Variants in PIK3C2G observed in about 807,000 individuals in gnomAD.
The protein encoded by PIK3C2G is phosphatidylinositol-4-phosphate 3-kinase catalytic subunit type 2 gamma.
Under a neutral mutation model 181.1 loss-of-function variants are expected in PIK3C2G, and 168 were observed. The ratio of observed to expected loss-of-function variants is 0.93; its 90% CI spans 0.82 to 1.05. PIK3C2G has a LOEUF of 1.05. Ranked by LOEUF, PIK3C2G falls within the 50% of genes least tolerant of loss-of-function variation. The pLI is 0.00. For missense variants in PIK3C2G, 1,869 were observed against 1,732.8 expected, an observed-to-expected ratio of 1.08 and a Z score of -1.40; for synonymous variants, 573 against 592.2, an observed-to-expected ratio of 0.97 and a Z score of 0.47.
At chr12:18,567,507 C>T (rs527654443) in intron 29 of PIK3C2G, among the ~76,000 whole-genome samples, 2 of 152,020 alleles carry the variant, frequency 1.3e-5, no homozygotes, top group Non-Finnish European at 2.9e-5. Flanking sequence ...AGCAGCAAAA[C>T]AAGTATAGAA....
rs572633511 is a variant in PIK3C2G at position 18,539,309 on chromosome 12, A to G, written c.3480+997A>G. On this transcript the variant is annotated intron_variant, in intron 25 of 32. Coordinates refer to ENST00000538779, the MANE Select transcript of PIK3C2G (RefSeq NM_001288772.2). ...AATGACCTAGTAGTGAATTCTTTGC[A>G]TGGCCCAGGCATTGTGCTAAGTGCT... 3.3e-5 allele frequency among the ~76,000 whole-genome samples: 5 copies of G among 152,034 alleles called. No individual in the cohort carries two copies. In the East Asian group the frequency reaches 9.7e-4, roughly 29 times the overall value.
intron 16 of PIK3C2G, among the ~76,000 whole-genome samples, chr12:18,402,229 G>A (rs1285926023): frequency 6.6e-6 from 1 of 152,106 alleles, no homozygotes; most frequent in African/African-American, 2.4e-5. Context: ...CTACAACATG[G>A]AAGGACCTTG....
At position 18,274,716 on chromosome 12, in the gene PIK3C2G, A is replaced by G. The variant is rs200911540; in HGVS notation, c.-78-7288A>G. Reference sequence around the variant, plus strand: ...ACACCTAATGCTAAATGATGAGTTAATGGGTGCAGCACACCAACATGGCAC... The same window carrying G: ...ACACCTAATGCTAAATGATGAGTTAGTGGGTGCAGCACACCAACATGGCAC... On this transcript the variant is annotated intron_variant, in intron 1 of 32. Coordinates refer to ENST00000538779, the MANE Select transcript of PIK3C2G (RefSeq NM_001288772.2). Among the ~76,000 whole-genome samples the G allele has an allele frequency of 3.9e-5, 6 of 152,280 alleles. No individual in the cohort carries two copies. In the East Asian group the frequency reaches 5.8e-4, roughly 15 times the overall value.
At chr12:18,610,639 C>G (rs1948284706) in intron 31 of PIK3C2G, among the ~76,000 whole-genome samples, 1 of 151,966 alleles carries the variant, frequency 6.6e-6, no homozygotes, top group Admixed American at 6.6e-5. Flanking sequence ...CAATTATTTT[C>G]CATTGTTTTT....
chr12:18,325,115 C>G lies in PIK3C2G; in HGVS notation c.1272+17C>G. The G allele has an allele frequency of 7.0e-7, 1 of 1,436,258 alleles. No individual in the cohort carries two copies. Among genetic ancestry groups the G allele is most frequent in the Non-Finnish European group, 9.7e-7 (1 of 1,032,526 alleles). The allele number at this position is 1,436,258 out of a possible 1,614,324, so 89.0% of individuals were successfully genotyped here. ...AAAACCCAGGTATTGACTTTTGTTA[C>G]TTTATCCATCAATTCAGTAAGCGTT... On this transcript the variant is annotated intron_variant, in intron 8 of 32. Transcript: ENST00000538779.
the PIK3C2G span, chr12:18,684,175 C>A: frequency 1.2e-6 from 2 of 1,612,164 alleles, no homozygotes; most frequent in Non-Finnish European, 1.7e-6. Context: ...CCAAGAAATT[C>A]ATTTCCTGCT....
intron 29 of PIK3C2G, among the ~76,000 whole-genome samples, chr12:18,573,748 G>A (rs1207743319): frequency 2.0e-5 from 3 of 152,144 alleles, no homozygotes; most frequent in African/African-American, 7.2e-5. Context: ...GGTTTTAAGA[G>A]ATAGCTGCCA....
intron 11 of PIK3C2G, among the ~76,000 whole-genome samples, chr12:18,358,289 C>G (rs1940928376): frequency 6.6e-6 from 1 of 152,240 alleles, no homozygotes; most frequent in African/African-American, 2.4e-5. Context: ...ACTTGCATCC[C>G]ACACTTGGCT....
chr12:18,324,169 G>A (rs529172916), intron 7 of PIK3C2G, among the ~76,000 whole-genome samples: 2 of 151,824 alleles, frequency 1.3e-5, no homozygotes, highest in East Asian at 3.9e-4. Context: ...TGCAGTGAGC[G>A]GAGATCGCGC....
At chr12:18,673,417 C>T in the PIK3C2G span, among the ~76,000 whole-genome samples, 2 of 151,562 alleles carry the variant, frequency 1.3e-5, no homozygotes, top group Non-Finnish European at 2.9e-5. Context: ...GCCATTTCAC[C>T]AAGATATACT....
At chr12:18,645,141 T>G (rs1292812709) in intron 32 of PIK3C2G, among the ~76,000 whole-genome samples, 1 of 151,006 alleles carries the variant, frequency 6.6e-6, no homozygotes, top group Non-Finnish European at 1.5e-5. Context: ...TATTTATTTT[T>G]GGTTCTGAGT....
At chr12:18,415,802 T>C (rs1945143010) in intron 16 of PIK3C2G, among the ~76,000 whole-genome samples, 1 of 152,148 alleles carries the variant, frequency 6.6e-6, no homozygotes, top group Non-Finnish European at 1.5e-5. Flanking sequence ...GTCGGAGTGA[T>C]TTGGATATAA....
At chr12:18,391,006 G>GA (rs1429287156) in intron 14 of PIK3C2G, 116 bp from the exon 15 acceptor site, 36 of 665,128 alleles carry the variant, frequency 5.4e-5, no homozygotes, top group Middle Eastern at 4.9e-4. Context: ...AAATAGCACA[G>GA]AAAAAATAGA....
At chr12:18,287,593 C>T (rs1426291798) in intron 3 of PIK3C2G, among the ~76,000 whole-genome samples, 21 of 152,166 alleles carry the variant, frequency 1.4e-4, no homozygotes, top group African/African-American at 4.1e-4. Flanking sequence ...CGGTAGCTCA[C>T]GCCTGTAATC....
At chr12:18,338,689 G>A in intron 9 of PIK3C2G, 141 bp downstream of exon 9, 2 of 608,350 alleles carry the variant, frequency 3.3e-6, no homozygotes, top group Non-Finnish European at 2.9e-6. Context: ...GTGTGTGTGT[G>A]TGTGTGTGTG....
intron 6 of PIK3C2G, among the ~76,000 whole-genome samples, chr12:18,315,491 CTT>C (rs1361904863): frequency 3.9e-5 from 6 of 152,062 alleles, no homozygotes; most frequent in Non-Finnish European, 8.8e-5. Flanking sequence ...AAAATAATAA[CTT>C]ATCGGTAGTA....
rs142352199 is a variant in PIK3C2G at position 18,471,897 on chromosome 12, C to T, written c.2505-16552C>T. Among the ~76,000 whole-genome samples the T allele has an allele frequency of 6.3e-3, 961 of 152,078 alleles. 10 individuals carry two copies. Among genetic ancestry groups the T allele is most frequent in the African/African-American group, 0.022 (926 of 41,492 alleles). ...TAGTCAATAATCAATATTTATTAAA[C>T]TTTGGATATTAATTAATAATGAAAG... is the stretch of plus-strand genomic sequence containing the variant. On this transcript the variant is annotated intron_variant, in intron 18 of 32. Transcript: ENST00000538779.
chr12:18,533,964 T>TTTTG, intron 24 of PIK3C2G, among the ~76,000 whole-genome samples: 2 of 114,142 alleles, frequency 1.8e-5, no homozygotes, highest in Non-Finnish European at 3.6e-5. Flanking sequence ...TTTTTTTTTT[T>TTTTG]TCTGAGACAG....
chr12:18,440,224 AAG>A (rs1037274996), intron 18 of PIK3C2G, among the ~76,000 whole-genome samples: 4 of 152,062 alleles, frequency 2.6e-5, no homozygotes, highest in Non-Finnish European at 5.9e-5. Context: ...TAAGAGTTAT[AAG>A]AGTTATAATC....
Sources: gnomAD v4.1 joint callset for allele counts (sites outside exome capture counted in the v4.1 genomes callset) on GRCh38, gnomAD v4.1.1 for gene constraint, MANE v1.5 for transcripts, NCBI Gene and HGNC (gene_info 2026-07-23, HGNC 2026-07-21) for gene names.